Variants in SLC9C1 observed in about 807,000 individuals in gnomAD.
SLC9C1 encodes sodium/hydrogen exchanger 10.
SLC9C1 carries 97 observed loss-of-function variants against 140.9 expected under a neutral mutation model. The ratio of observed to expected loss-of-function variants is 0.69; its 90% CI spans 0.58 to 0.82. The LOEUF (loss-of-function observed/expected upper bound fraction) is 0.82, where lower values mean the gene tolerates loss of function less well. SLC9C1 is among the 40% of genes least tolerant of loss of function. The pLI, the probability that SLC9C1 is intolerant of heterozygous loss-of-function variation, is 0.00. For missense variants in SLC9C1, 1,340 were observed against 1,389.3 expected (o/e 0.96, Z 0.56); for synonymous variants, 440 against 442.6 (o/e 0.99, Z 0.07).
At chr3:112,168,736 G>T in intron 25 of SLC9C1, 141 bp downstream of exon 25, 1 of 755,406 alleles carries the variant, frequency 1.3e-6, no homozygotes, top group Non-Finnish European at 2.0e-6. Context: ...GTGGGTATGA[G>T]TGAGTGTTTA....
In SLC9C1 at chr3:112,179,609, AC is replaced by A. The variant is rs762080301; in HGVS notation, c.2840del (p.Ser947MetfsTer4). ...AGTTTATCTCTCCTATTATTTCTCC[AC>A]TGAGCATATAGTCTGTGTCAATTAT... ...FPIIDTDYMLSGEIIGEINCL... is the reference protein window; with the variant it reads ...FPIIDTDYMLXGEIIGEINCL... On this transcript the variant is annotated frameshift_variant, in exon 23 of 29. Coordinates refer to ENST00000305815, the MANE Select transcript of SLC9C1 (RefSeq NM_183061.3). LOFTEE classifies it high-confidence loss of function. 6.2e-7 allele frequency: 1 copy of A among 1,612,212 alleles called. No homozygotes were observed. The highest frequency in any genetic ancestry group is 1.7e-5 in the Admixed American group (1 of 59,764).
chr3:112,188,246 A>G (rs1292812143), intron 20 of SLC9C1, among the ~76,000 whole-genome samples: 1 of 152,006 alleles, frequency 6.6e-6, no homozygotes, highest in East Asian at 1.9e-4. Context: ...TTTTTTTATT[A>G]TTATTATATT....
At chr3:112,285,912 C>T (rs999542644) in intron 2 of SLC9C1, among the ~76,000 whole-genome samples, 1 of 152,024 alleles carries the variant, frequency 6.6e-6, no homozygotes, top group Non-Finnish European at 1.5e-5. Flanking sequence ...ACTACTGGTG[C>T]GTGCTAACAT....
chr3:112,211,116 A>G (rs1344414167), intron 15 of SLC9C1, among the ~76,000 whole-genome samples: 2 of 152,236 alleles, frequency 1.3e-5, no homozygotes, highest in African/African-American at 4.8e-5. Context: ...AGCATTTTCT[A>G]TGACTGTAAA....
At chr3:112,250,434 G>T (rs1420522283) in intron 10 of SLC9C1, among the ~76,000 whole-genome samples, 2 of 135,094 alleles carry the variant, frequency 1.5e-5, no homozygotes, top group Non-Finnish European at 3.2e-5. Flanking sequence ...ACCTAGTAAT[G>T]GGATGGCTGG....
intron 15 of SLC9C1, among the ~76,000 whole-genome samples, chr3:112,214,314 C>A (rs1378516651): frequency 6.6e-6 from 1 of 151,998 alleles, no homozygotes; most frequent in African/African-American, 2.4e-5. Flanking sequence ...GAAGCAAGAG[C>A]AAACACATTC....
chr3:112,204,193 A>G (rs779539734), intron 17 of SLC9C1, 25 bp downstream of exon 17: 49 of 1,444,516 alleles, frequency 3.4e-5, no homozygotes, highest in Middle Eastern at 2.5e-4. Context: ...GGAATTAGAA[A>G]TTGCACGATT....
intron 26 of SLC9C1, among the ~76,000 whole-genome samples, chr3:112,165,913 TC>T (rs1396652156): frequency 6.6e-6 from 1 of 152,218 alleles, no homozygotes; most frequent in Non-Finnish European, 1.5e-5. Context: ...TGCAGTGGGC[TC>T]CACCCAGTTC....
At position 112,215,956 on chromosome 3, in the gene SLC9C1, T is replaced by C. The variant is rs551201522; in HGVS notation, c.1790+1486A>G. Among the ~76,000 whole-genome samples the C allele has an allele frequency of 7.0e-4, 107 of 152,282 alleles. 1 individual carries two copies. Among genetic ancestry groups the C allele is most frequent in the African/African-American group, 2.4e-3 (101 of 41,538 alleles). ...CATCACGCTACCTGACTTCAAACTA[T>C]ACTACAAGGCTGTGGTAACCAAAAC... On this transcript the variant is annotated intron_variant, in intron 15 of 28. Coordinates refer to ENST00000305815, the MANE Select transcript of SLC9C1 (RefSeq NM_183061.3).
intron 14 of SLC9C1, among the ~76,000 whole-genome samples, chr3:112,220,710 G>C (rs1337542761): frequency 6.6e-6 from 1 of 152,196 alleles, no homozygotes; most frequent in Non-Finnish European, 1.5e-5. Flanking sequence ...AATGCATGCT[G>C]AGTATTAAGA....
intron 23 of SLC9C1, among the ~76,000 whole-genome samples, chr3:112,174,471 A>G (rs1408285334): frequency 1.3e-5 from 2 of 152,156 alleles, no homozygotes; most frequent in East Asian, 1.9e-4. Context: ...GGCAGCAGGG[A>G]TACAACTGTT....
chr3:112,190,774 T>C (rs1177846897), intron 20 of SLC9C1, among the ~76,000 whole-genome samples: 1 of 152,124 alleles, frequency 6.6e-6, no homozygotes, highest in Non-Finnish European at 1.5e-5. Context: ...CTTTTTAAAT[T>C]GATTTCTATA....
At chr3:112,188,129 C>T (rs1008449836) in intron 20 of SLC9C1, among the ~76,000 whole-genome samples, 2 of 152,112 alleles carry the variant, frequency 1.3e-5, no homozygotes, top group Non-Finnish European at 2.9e-5. Flanking sequence ...GACATATAGG[C>T]TGTTTATAAT....
chr3:112,176,092 G>A (rs2077331258), intron 23 of SLC9C1, among the ~76,000 whole-genome samples: 1 of 152,210 alleles, frequency 6.6e-6, no homozygotes, highest in Non-Finnish European at 1.5e-5. Context: ...ATGTGCCTGA[G>A]TGGCTGCTCT....
chr3:112,291,222 C>T lies in SLC9C1; in HGVS notation c.-88+2871G>A, dbSNP rs151074253. ...GACATAGGAGTGGGCTAAGGTTTCA[C>T]GACAAAGACATCAAAAGCAATCACA... On this transcript the variant is annotated intron_variant, in intron 1 of 28. Coordinates refer to ENST00000305815, the MANE Select transcript of SLC9C1 (RefSeq NM_183061.3). Among the ~76,000 whole-genome samples, 1,255 of 151,990 alleles carry T rather than the reference C, an allele frequency of 8.3e-3. 19 individuals are homozygous for T. Among genetic ancestry groups the T allele is most frequent in the African/African-American group, 0.029 (1,197 of 41,460 alleles).
chr3:112,235,497 C>A (rs56353043), intron 12 of SLC9C1, among the ~76,000 whole-genome samples: 32,475 of 150,406 alleles, frequency 0.22, 3,784 homozygotes, highest in Middle Eastern at 0.28. Flanking sequence ...CCTGGCCAGA[C>A]CTTCCAACAC....
At chr3:112,173,218 T>A (rs1284537523) in intron 23 of SLC9C1, among the ~76,000 whole-genome samples, 1 of 152,212 alleles carries the variant, frequency 6.6e-6, no homozygotes. Context: ...AAAATCTCAG[T>A]ATGTATAGTA....
intron 11 of SLC9C1, among the ~76,000 whole-genome samples, chr3:112,242,326 C>T (rs2079158676): frequency 6.6e-6 from 1 of 152,138 alleles, no homozygotes; most frequent in African/African-American, 2.4e-5. Context: ...TATACATATA[C>T]ACAATGGCAT....
At chr3:112,169,493 T>C (rs1464741875) in intron 23 of SLC9C1, among the ~76,000 whole-genome samples, 165 bp from the exon 24 acceptor site, 1 of 152,204 alleles carries the variant, frequency 6.6e-6, no homozygotes, top group African/African-American at 2.4e-5. Context: ...AAAATTGGTG[T>C]GTCCTTTCCC....
Sources: gnomAD v4.1 joint callset for allele counts (sites outside exome capture counted in the v4.1 genomes callset) on GRCh38, gnomAD v4.1.1 for gene constraint, MANE v1.5 for transcripts, NCBI Gene and HGNC (gene_info 2026-07-23, HGNC 2026-07-21) for gene names.